The following PACS1 variants were observed in gnomAD, a reference collection of about 807,000 sequenced individuals.
PACS1 encodes the protein PACS-1.
PACS1 carries 24 observed loss-of-function variants against 115.0 expected under a neutral mutation model. That is an observed-to-expected ratio of 0.21 (90% CI 0.15 to 0.29). PACS1 has a LOEUF of 0.29. Ranked by LOEUF, PACS1 falls within the 10% of genes least tolerant of loss-of-function variation. PACS1 has a pLI of 1.00. For synonymous variants in PACS1, 453 were observed against 504.5 expected, an observed-to-expected ratio of 0.90 and a Z score of 1.37; for missense variants, 838 against 1,251.2, an observed-to-expected ratio of 0.67 and a Z score of 4.98.
chr11:66,149,016 T>G (rs149506424), intron 1 of PACS1, among the ~76,000 whole-genome samples: 1 of 152,020 alleles, frequency 6.6e-6, no homozygotes, highest in Non-Finnish European at 1.5e-5. Flanking sequence ...GTGATGCATT[T>G]GGTCGAAAAG....
chr11:66,155,871 TGA>T (rs1859340043), intron 1 of PACS1, among the ~76,000 whole-genome samples: 1 of 152,020 alleles, frequency 6.6e-6, no homozygotes, highest in Admixed American at 6.6e-5. Context: ...CCCAGTCCAA[TGA>T]GAGCTCTGAG....
intron 10 of PACS1, among the ~76,000 whole-genome samples, chr11:66,224,495 T>C (rs951518252): frequency 6.6e-6 from 1 of 152,242 alleles, no homozygotes; most frequent in Non-Finnish European, 1.5e-5. Context: ...AGAGCACTGC[T>C]CATTGCTCAC....
intron 1 of PACS1, among the ~76,000 whole-genome samples, chr11:66,127,870 A>T (rs1858616185): frequency 6.6e-6 from 1 of 152,230 alleles, no homozygotes; most frequent in Non-Finnish European, 1.5e-5. Context: ...ATGTCCTGGT[A>T]TGTGTGCACA....
chr11:66,214,817 C>CT (rs1855161998), intron 4 of PACS1, among the ~76,000 whole-genome samples: 1 of 150,172 alleles, frequency 6.7e-6, no homozygotes, highest in African/African-American at 2.5e-5. Flanking sequence ...AGACGGGGTT[C>CT]CACCATGTTG....
At chr11:66,230,484 A>G in intron 11 of PACS1, 64 bp from the exon 12 acceptor site, 1 of 1,127,178 alleles carries the variant, frequency 8.9e-7, no homozygotes, top group Non-Finnish European at 1.4e-6. Context: ...GGCCAGTCCA[A>G]GGAGGCTCCT....
intron 2 of PACS1, among the ~76,000 whole-genome samples, chr11:66,199,642 A>G (rs1156300477): frequency 1.3e-5 from 2 of 152,222 alleles, no homozygotes; most frequent in Admixed American, 6.5e-5. Flanking sequence ...TGGCAATAGT[A>G]AGGCCTTACT....
At chr11:66,137,502 T>C (rs1858874185) in intron 1 of PACS1, among the ~76,000 whole-genome samples, 2 of 152,216 alleles carry the variant, frequency 1.3e-5, no homozygotes, top group African/African-American at 4.8e-5. Context: ...ACACACATCT[T>C]ATACCTTCAT....
At chr11:66,176,299 A>G (rs1366073574) in intron 1 of PACS1, among the ~76,000 whole-genome samples, 1 of 152,156 alleles carries the variant, frequency 6.6e-6, no homozygotes, top group Non-Finnish European at 1.5e-5. Flanking sequence ...TGTGCTCAGT[A>G]TTTAGCGCTC....
chr11:66,151,465 T>G (rs777341490), intron 1 of PACS1, among the ~76,000 whole-genome samples: 5 of 152,012 alleles, frequency 3.3e-5, no homozygotes, highest in Non-Finnish European at 5.9e-5. Context: ...TCCCTGGCTG[T>G]CTGCCAGATT....
At chr11:66,121,671 C>G (rs942394100) in intron 1 of PACS1, among the ~76,000 whole-genome samples, 1 of 152,170 alleles carries the variant, frequency 6.6e-6, no homozygotes, top group Non-Finnish European at 1.5e-5. Context: ...GAGAAAGTTT[C>G]AGTGATCTGG....
At chr11:66,181,194 TATTTTA>T (rs1264322405) in intron 1 of PACS1, among the ~76,000 whole-genome samples, 1 of 151,248 alleles carries the variant, frequency 6.6e-6, no homozygotes, top group Non-Finnish European at 1.5e-5. Context: ...CTTTTTTTTT[TATTTTA>T]ATTTTAATTT....
chr11:66,118,652 C>T lies in PACS1; in HGVS notation c.356+47810C>T, dbSNP rs767050968. 2.7e-5 allele frequency among the ~76,000 whole-genome samples: 4 copies of T among 150,726 alleles called. No homozygotes were observed. In the East Asian group the frequency reaches 7.8e-4, roughly 29 times the overall value. The stretch of plus-strand genomic sequence containing the variant: ...TAAAAAGGATATTTTCTAGGCCAGG[C>T]GTGGTAGCTCACGCCTGTAATCCCA... On this transcript the variant is annotated intron_variant, in intron 1 of 23. Transcript: ENST00000320580.
chr11:66,132,870 G>C (rs1590766549), intron 1 of PACS1, among the ~76,000 whole-genome samples: 1 of 152,310 alleles, frequency 6.6e-6, no homozygotes, highest in Admixed American at 6.5e-5. Context: ...GTTTCACCAT[G>C]TTGGCCAGGC....
chr11:66,225,895 G>A (rs565669099), intron 10 of PACS1, among the ~76,000 whole-genome samples: 33 of 152,294 alleles, frequency 2.2e-4, no homozygotes, highest in African/African-American at 7.7e-4. Context: ...GAGGCTGGGC[G>A]TGGTGGCTCA....
chr11:66,234,036 G>A (rs1266840501), intron 16 of PACS1, 96 bp from the exon 17 acceptor site: 1 of 1,557,432 alleles, frequency 6.4e-7, no homozygotes, highest in Non-Finnish European at 8.8e-7. Flanking sequence ...CCTAGGAAGG[G>A]ACAGTCAAGG....
rs556875328 is a variant in PACS1 at position 66,120,303 on chromosome 11, G to A, written c.356+49461G>A. On this transcript the variant is annotated intron_variant, in intron 1 of 23. Coordinates refer to ENST00000320580, the MANE Select transcript of PACS1 (RefSeq NM_018026.4). Reference sequence around the variant, plus strand: ...TAGAGATGGGGTTTCACCATTATTGGCCAGGCTGTTCTTGAACTCCTGACC... The same window carrying A: ...TAGAGATGGGGTTTCACCATTATTGACCAGGCTGTTCTTGAACTCCTGACC... Among the ~76,000 whole-genome samples the A allele has an allele frequency of 1.1e-3, 167 of 152,050 alleles. 1 individual carries two copies. Among genetic ancestry groups the A allele is most frequent in the East Asian group, 8.3e-3 (43 of 5,170 alleles).
intron 1 of PACS1, among the ~76,000 whole-genome samples, chr11:66,186,997 G>T (rs974007523): frequency 1.3e-5 from 2 of 152,150 alleles, no homozygotes; most frequent in Admixed American, 1.3e-4. Context: ...GACAGTACGT[G>T]GTCTTTTGGG....
intron 1 of PACS1, among the ~76,000 whole-genome samples, chr11:66,111,545 C>T (rs914609416): frequency 1.3e-5 from 2 of 152,234 alleles, no homozygotes; most frequent in African/African-American, 2.4e-5. Flanking sequence ...TCCACAACGC[C>T]AAACCTGTTT....
At chr11:66,095,831 A>G (rs1857768043) in intron 1 of PACS1, among the ~76,000 whole-genome samples, 1 of 152,220 alleles carries the variant, frequency 6.6e-6, no homozygotes, top group Non-Finnish European at 1.5e-5. Context: ...AGACTTATTT[A>G]GAAAACAATC....
Sources: gnomAD v4.1 joint callset for allele counts (sites outside exome capture counted in the v4.1 genomes callset) on GRCh38, gnomAD v4.1.1 for gene constraint, MANE v1.5 for transcripts, NCBI Gene and HGNC (gene_info 2026-07-23, HGNC 2026-07-21) for gene names.